TP73: variants seen among roughly 807,000 people sequenced by gnomAD.
The protein encoded by TP73 is p53-like transcription factor.
TP73 carries 25 observed loss-of-function variants against 62.5 expected under a neutral mutation model. That is an observed-to-expected ratio of 0.40 (90% CI 0.29 to 0.56). TP73 has a LOEUF of 0.56. TP73 is among the 20% of genes least tolerant of loss of function. The pLI, the probability that TP73 is intolerant of heterozygous loss-of-function variation, is 0.46. For synonymous variants in TP73, 423 were observed against 377.5 expected (o/e 1.12, Z -1.40); for missense variants, 754 against 913.3 (o/e 0.83, Z 2.25).
intron 3 of TP73, among the ~76,000 whole-genome samples, chr1:3,697,245 G>A (rs375364725): frequency 8.6e-5 from 13 of 151,246 alleles, no homozygotes; most frequent in South Asian, 2.1e-4. Context: ...GCTGACGCCC[G>A]CCCTGTGTTC....
At chr1:3,695,725 G>T (rs1638588102) in intron 3 of TP73, among the ~76,000 whole-genome samples, 1 of 152,252 alleles carries the variant, frequency 6.6e-6, no homozygotes, top group Non-Finnish European at 1.5e-5. Context: ...TGTACGTGGG[G>T]CTACGGAACC....
intron 1 of TP73, among the ~76,000 whole-genome samples, chr1:3,673,062 G>T (rs1032912640): frequency 5.3e-5 from 8 of 152,208 alleles, no homozygotes; most frequent in African/African-American, 1.9e-4. Flanking sequence ...AGGGTTATCT[G>T]TTTACCGCGT....
rs963601916 is a variant in TP73, at chr1:3,701,005, G to T, written c.187-6544G>T. Among the ~76,000 whole-genome samples the T allele has an allele frequency of 6.6e-6, 1 of 152,240 alleles. No individual in the cohort carries two copies. The highest frequency in any genetic ancestry group is 2.4e-5 in the African/African-American group (1 of 41,470). ...CGCCCTCCACATTCTGAGGAAGGCA[G>T]CCTGGACCCTGGGCACTGTCTGGGC... On this transcript the variant is annotated intron_variant, in intron 3 of 13. Coordinates refer to ENST00000378295, the MANE Select transcript of TP73 (RefSeq NM_005427.4). This position sits in a 1 kb window ranked among gnomAD's most constrained non-coding sequence, Gnocchi z 4.7.
At chr1:3,660,173 T>A (rs1220594107) in intron 1 of TP73, among the ~76,000 whole-genome samples, 1 of 152,220 alleles carries the variant, frequency 6.6e-6, no homozygotes, top group Non-Finnish European at 1.5e-5. Flanking sequence ...GGACTTGATA[T>A]CAGACTTCAC....
intron 3 of TP73, among the ~76,000 whole-genome samples, chr1:3,693,651 C>A (rs1476941629): frequency 6.6e-6 from 1 of 152,074 alleles, no homozygotes; most frequent in Non-Finnish European, 1.5e-5. Flanking sequence ...CGCAGGGGGG[C>A]CTGGCCTGGA....
chr1:3,682,538 C>T lies in TP73; in HGVS notation c.65+108C>T, dbSNP rs568523591. The stretch of plus-strand genomic sequence containing the variant: ...TGGGCCAGAGCAGGAGGGGTGGCCC[C>T]GGGAGGACTCTGGGCTAGCCCCAGC... On this transcript the variant is annotated intron_variant, in intron 2 of 13. Transcript: ENST00000378295. The T allele has an allele frequency of 1.1e-4, 121 of 1,113,254 alleles. No individual in the cohort carries two copies. In the South Asian group the frequency reaches 1.3e-3, roughly 12 times the overall value. 69.0% of individuals were successfully genotyped at this position (1,113,254 alleles called of 1,614,324 possible).
chr1:3,709,152 C>T (rs1051743660), intron 4 of TP73, among the ~76,000 whole-genome samples: 12 of 152,180 alleles, frequency 7.9e-5, no homozygotes, highest in Non-Finnish European at 1.5e-4. Flanking sequence ...AGGCCCCGCC[C>T]GCCCCCACCT....
Position 3,663,743 on chromosome 1 carries a change from G to A in TP73, c.-34+11102G>A, listed in dbSNP as rs1263561493. 1.3e-5 allele frequency among the ~76,000 whole-genome samples: 2 copies of A among 151,918 alleles called. No individual in the cohort carries two copies. The highest frequency in any genetic ancestry group is 2.9e-5 in the Non-Finnish European group (2 of 67,974). On this transcript the variant is annotated intron_variant, in intron 1 of 13. Coordinates refer to ENST00000378295, the MANE Select transcript of TP73 (RefSeq NM_005427.4). The surrounding 1 kb of genome is among the most constrained non-coding windows in gnomAD (Gnocchi z 4.7). Reference sequence around the variant, plus strand: ...AGAAAGGATACAGACATCCTGAACCGGGGGCTGGGGCCAGGTCTGAAGGCT... The same window carrying A: ...AGAAAGGATACAGACATCCTGAACCAGGGGCTGGGGCCAGGTCTGAAGGCT...
rs1645207986 is a variant in TP73 at position 3,670,170 on chromosome 1, C to G, written c.-33-12163C>G. Among the ~76,000 whole-genome samples the G allele has an allele frequency of 1.3e-5, 2 of 152,094 alleles. No homozygotes were observed. Among genetic ancestry groups the G allele is most frequent in the South Asian group, 4.2e-4 (2 of 4,808 alleles). ...GCGTTTTACACCACTCTGAGGATCT[C>G]TCTGCTCATCCCTAAGGCAGGGATG... On this transcript the variant is annotated intron_variant, in intron 1 of 13. Transcript: ENST00000378295. The surrounding 1 kb of genome is among the most constrained non-coding windows in gnomAD (Gnocchi z 5.9).
chr1:3,733,276 G>A lies in TP73; in HGVS notation c.*197G>A. On this transcript the variant is annotated 3_prime_UTR_variant, in exon 14 of 14. Coordinates refer to ENST00000378295, the MANE Select transcript of TP73 (RefSeq NM_005427.4). The stretch of plus-strand genomic sequence containing the variant: ...CACCGAAGCCGCCTGTGGACAGCCT[G>A]AGTCACCTGCAGAACCTTCTGGAGC... 1 of 664,564 alleles carries A rather than the reference G, an allele frequency of 1.5e-6. No individual in the cohort carries two copies. The highest frequency in any genetic ancestry group is 2.5e-6 in the Non-Finnish European group (1 of 396,952). The allele number at this position is 664,564 out of a possible 1,614,324, so 41.2% of individuals were successfully genotyped here.
chr1:3,720,945 T>C (rs1641019628), intron 4 of TP73, among the ~76,000 whole-genome samples: 1 of 152,216 alleles, frequency 6.6e-6, no homozygotes, highest in Non-Finnish European at 1.5e-5. Context: ...TGCAGTGACT[T>C]GTGATTCTGA....
In TP73 at chr1:3,714,700, C is replaced by T. The variant is rs534248971; in HGVS notation, c.429+6909C>T. Among the ~76,000 whole-genome samples the T allele has an allele frequency of 6.4e-4, 97 of 152,372 alleles. 1 individual carries two copies. The East Asian group carries it at 0.011, about 18-fold the overall frequency. ...GGGCAGAGGACCCTGCGCTTGGTCC[C>T]GGCCCAGGGCAGAGGCTGAGTGTGG... On this transcript the variant is annotated intron_variant, in intron 4 of 13. Transcript: ENST00000378295.
intron 1 of TP73, 42 bp from the exon 2 acceptor site, chr1:3,682,291 G>T: frequency 1.5e-6 from 2 of 1,375,376 alleles, no homozygotes; most frequent in South Asian, 3.2e-5. Context: ...GACAGAGCAC[G>T]AGTTCCCAGG....
In TP73 at chr1:3,672,006, C is replaced by T. The variant is rs1405937500; in HGVS notation, c.-33-10327C>T. Among the ~76,000 whole-genome samples, 1 of 152,138 alleles carries T rather than the reference C, an allele frequency of 6.6e-6. No individual in the cohort carries two copies. Among genetic ancestry groups the T allele is most frequent in the Non-Finnish European group, 1.5e-5 (1 of 68,006 alleles). The stretch of plus-strand genomic sequence containing the variant: ...AGTCAGGGCGGGACTCAGAGGGACG[C>T]ATGACAAGTTCAGGGAGTTGACAGC... On this transcript the variant is annotated intron_variant, in intron 1 of 13. Coordinates refer to ENST00000378295, the MANE Select transcript of TP73 (RefSeq NM_005427.4). The surrounding 1 kb of genome is among the most constrained non-coding windows in gnomAD (Gnocchi z 5.3).
chr1:3,653,994 T>G (rs1359448803), intron 1 of TP73, among the ~76,000 whole-genome samples: 1 of 152,104 alleles, frequency 6.6e-6, no homozygotes, highest in Non-Finnish European at 1.5e-5. Flanking sequence ...GCCATCATGG[T>G]GAAACCCAGT....
intron 1 of TP73, chr1:3,659,166 T>C (rs1477722262): frequency 1.2e-5 from 1 of 86,932 alleles, no homozygotes; most frequent in Non-Finnish European, 2.2e-5. Context: ...GGCATTTCTA[T>C]GGAAACAAAA....
In TP73 at chr1:3,723,655, C is replaced by T. The variant is rs546539470; in HGVS notation, c.732+186C>T. Among the ~76,000 whole-genome samples, 342 of 152,330 alleles carry T rather than the reference C, an allele frequency of 2.2e-3. 1 individual carries two copies. The highest frequency in any genetic ancestry group is 7.8e-3 in the African/African-American group (324 of 41,584). ...CGGCGGCTCCTTCCTCACCCACACC[C>T]GCCCCACTGTGCACACTGCTGCTCT... On this transcript the variant is annotated intron_variant, in intron 6 of 13. Coordinates refer to ENST00000378295, the MANE Select transcript of TP73 (RefSeq NM_005427.4).
intron 1 of TP73, among the ~76,000 whole-genome samples, chr1:3,657,585 A>G (rs1369818181): frequency 6.6e-6 from 1 of 152,098 alleles, no homozygotes; most frequent in East Asian, 1.9e-4. Context: ...GATCCTGTGT[A>G]TTTTGCTTCA....
chr1:3,732,212 T>G (rs973805322), intron 13 of TP73, among the ~76,000 whole-genome samples: 1 of 152,196 alleles, frequency 6.6e-6, no homozygotes, highest in East Asian at 1.9e-4. Context: ...AGCCTGGGGC[T>G]GCAGACAGAG....
Sources: gnomAD v4.1 joint callset for allele counts (sites outside exome capture counted in the v4.1 genomes callset) on GRCh38, gnomAD v4.1.1 for gene constraint, Gnocchi (gnomAD v3.1) non-coding constraint, MANE v1.5 for transcripts, NCBI Gene and HGNC (gene_info 2026-07-23, HGNC 2026-07-21) for gene names.